FBXO36: variants seen among roughly 807,000 people sequenced by gnomAD.
FBXO36 encodes F-box only protein 36.
Under a neutral mutation model 17.0 loss-of-function variants are expected in FBXO36, and 18 were observed. The ratio of observed to expected loss-of-function variants is 1.06; its 90% CI spans 0.73 to 1.57. The LOEUF (loss-of-function observed/expected upper bound fraction) is 1.57. Among genes scored for constraint, FBXO36 ranks in the 40% most tolerant of loss-of-function variants. The pLI is 0.00. For synonymous variants in FBXO36, 83 were observed against 85.3 expected (o/e 0.97, Z 0.15); for missense variants, 229 against 221.9 (o/e 1.03, Z -0.20).
intron 1 of FBXO36, among the ~76,000 whole-genome samples, chr2:229,964,094 A>G (rs1365931423): frequency 6.6e-6 from 1 of 151,290 alleles, no homozygotes; most frequent in Non-Finnish European, 1.5e-5. Flanking sequence ...TTCTCTCTTT[A>G]TACAAACTCT....
chr2:229,981,480 C>T (rs555106239), intron 2 of FBXO36, among the ~76,000 whole-genome samples: 3 of 151,612 alleles, frequency 2.0e-5, no homozygotes, highest in South Asian at 2.1e-4. Context: ...CAGGCTTAAG[C>T]GGATCACTTG....
At chr2:230,006,070 CTAT>C (rs2077385390) in intron 3 of FBXO36, among the ~76,000 whole-genome samples, 2 of 149,970 alleles carry the variant, frequency 1.3e-5, no homozygotes, top group African/African-American at 4.9e-5. Context: ...GATGTAGATA[CTAT>C]TATTATCCTC....
At chr2:229,990,218 A>T (rs1470259644) in intron 2 of FBXO36, among the ~76,000 whole-genome samples, 1 of 148,926 alleles carries the variant, frequency 6.7e-6, no homozygotes, top group Non-Finnish European at 1.5e-5. Context: ...GGGTTAAATT[A>T]TATAATATAT....
Position 230,010,794 on chromosome 2 carries a change from ACAGCTGTTCT to A in FBXO36, c.478_487del (p.Gln160SerfsTer21), listed in dbSNP as rs755165588. On this transcript the variant is annotated frameshift_variant, in exon 4 of 4. Coordinates refer to ENST00000283946, the MANE Select transcript of FBXO36 (RefSeq NM_174899.5). LOFTEE classifies it low-confidence loss of function (END_TRUNC). ...CCCTGGCGGAGGACACAGGCTGGAG[ACAGCTGTTCT>A]TCACCAACAAGCTCCAGCTCCAGCG... 2.5e-6 allele frequency: 4 copies of A among 1,613,854 alleles called. No homozygotes were observed. The Admixed American group carries it at 6.7e-5, about 27-fold the overall frequency.
intron 1 of FBXO36, chr2:229,939,338 G>A (rs1332401309): frequency 2.4e-6 from 2 of 818,218 alleles, no homozygotes; most frequent in African/African-American, 3.7e-5. Flanking sequence ...AGGTCCTCTC[G>A]TCCCAAGATG....
At chr2:229,955,081 A>G (rs1008058063) in intron 1 of FBXO36, among the ~76,000 whole-genome samples, 4 of 151,996 alleles carry the variant, frequency 2.6e-5, no homozygotes, top group African/African-American at 4.8e-5. Context: ...TGAACTCCTG[A>G]CCTCAAGTGA....
At chr2:229,940,289 G>A (rs114670540) in intron 1 of FBXO36, among the ~76,000 whole-genome samples, 1,783 of 152,044 alleles carry the variant, frequency 0.012, 28 homozygotes, top group Non-Finnish European at 0.016. Context: ...TTTTTGGAGG[G>A]TGGTTGGTAA....
At chr2:229,963,521 G>A (rs529825153) in intron 1 of FBXO36, among the ~76,000 whole-genome samples, 4 of 147,328 alleles carry the variant, frequency 2.7e-5, no homozygotes, top group African/African-American at 5.0e-5. Flanking sequence ...CTCAGCTCAC[G>A]GCAAGCTCCG....
At chr2:229,958,162 A>G (rs1186211350) in intron 1 of FBXO36, among the ~76,000 whole-genome samples, 4 of 151,484 alleles carry the variant, frequency 2.6e-5, no homozygotes, top group African/African-American at 9.7e-5. Context: ...ACTAATGCAA[A>G]TTAAAAAAAA....
chr2:229,941,152 C>T (rs770903713), intron 1 of FBXO36, among the ~76,000 whole-genome samples: 2 of 152,108 alleles, frequency 1.3e-5, no homozygotes, highest in Non-Finnish European at 2.9e-5. Flanking sequence ...AAAGAGGAGC[C>T]CCTTCTTGAA....
chr2:230,004,352 G>A (rs1368667676), intron 3 of FBXO36, among the ~76,000 whole-genome samples: 4 of 152,150 alleles, frequency 2.6e-5, no homozygotes, highest in Non-Finnish European at 5.9e-5. Flanking sequence ...CCAGAAAACG[G>A]TGGTTGAATG....
intron 2 of FBXO36, among the ~76,000 whole-genome samples, chr2:229,995,592 CTTTCTTTTT>C (rs1406171073): frequency 3.5e-5 from 4 of 114,552 alleles, no homozygotes; most frequent in Non-Finnish European, 5.4e-5. Context: ...CTCTTTCTTT[CTTTCTTTTT>C]TTTTTTTTTG....
intron 1 of FBXO36, among the ~76,000 whole-genome samples, chr2:229,966,761 C>T (rs1430488324): frequency 3.9e-5 from 6 of 152,116 alleles, no homozygotes; most frequent in Admixed American, 2.6e-4. Context: ...GGTACCAGTA[C>T]CATGCTGTTT....
chr2:229,955,793 C>G (rs1401415490), intron 1 of FBXO36, among the ~76,000 whole-genome samples: 1 of 152,190 alleles, frequency 6.6e-6, no homozygotes, highest in African/African-American at 2.4e-5. Flanking sequence ...ACCACTCATT[C>G]TCTACATTAT....
chr2:230,010,908 G>A lies in FBXO36; in HGVS notation c.*24G>A. 6.3e-7 allele frequency: 1 copy of A among 1,581,796 alleles called. No homozygotes were observed. The highest frequency in any genetic ancestry group is 8.6e-7 in the Non-Finnish European group (1 of 1,161,394). On this transcript the variant is annotated 3_prime_UTR_variant, in exon 4 of 4. Coordinates refer to ENST00000283946, the MANE Select transcript of FBXO36 (RefSeq NM_174899.5). ...AGGCACACATTTTCCTACCAGCAGG[G>A]AGCTCAGGCATGGCTGTGTTTCTCT...
chr2:229,938,747 CA>C (rs1257853278), intron 1 of FBXO36, among the ~76,000 whole-genome samples: 6 of 119,250 alleles, frequency 5.0e-5, no homozygotes, highest in Non-Finnish European at 5.2e-5. Context: ...TTCTTACCCC[CA>C]AAAAACCTTT....
At chr2:229,946,000 T>C (rs536263435) in intron 1 of FBXO36, among the ~76,000 whole-genome samples, 42 of 147,122 alleles carry the variant, frequency 2.9e-4, no homozygotes, top group South Asian at 1.7e-3. Flanking sequence ...CCAGCCTGGG[T>C]AACGAGAGCG....
At chr2:229,929,399 T>C (rs2076927731) in intron 1 of FBXO36, among the ~76,000 whole-genome samples, 1 of 149,636 alleles carries the variant, frequency 6.7e-6, no homozygotes, top group South Asian at 2.1e-4. Context: ...CCGTCTCTAC[T>C]AAAAAAAAAT....
intron 2 of FBXO36, among the ~76,000 whole-genome samples, chr2:229,987,169 G>A (rs189571951): frequency 6.7e-6 from 1 of 149,140 alleles, no homozygotes; most frequent in East Asian, 2.0e-4. Context: ...CAAGATTGTG[G>A]CCATTGCACT....
Sources: allele counts gnomAD v4.1 joint callset (sites outside exome capture counted in the v4.1 genomes callset), GRCh38; gene constraint gnomAD v4.1.1; transcripts MANE v1.5; gene names NCBI Gene and HGNC (gene_info 2026-07-23, HGNC 2026-07-21).